The following SLC8A1 variants were observed in gnomAD, a reference collection of about 807,000 sequenced individuals.
SLC8A1 encodes the protein solute carrier family 8 member A1, also known as sodium/calcium exchanger 1.
A neutral mutation model predicts 68.3 loss-of-function variants in SLC8A1; 18 were observed. The observed-to-expected ratio is 0.26, with a 90% CI of 0.18 to 0.39. SLC8A1 has a LOEUF of 0.39. Among genes scored for constraint, SLC8A1 ranks in the 10% least tolerant of loss-of-function variants. SLC8A1 has a pLI of 1.00. For missense variants in SLC8A1, 985 were observed against 1,156.7 expected (o/e 0.85, Z 2.15); for synonymous variants, 475 against 415.5 (o/e 1.14, Z -1.74).
At chr2:40,318,679 T>G (rs1308796298) in intron 2 of SLC8A1, among the ~76,000 whole-genome samples, 1 of 151,966 alleles carries the variant, frequency 6.6e-6, no homozygotes, top group Non-Finnish European at 1.5e-5. Context: ...TTTTACAAAA[T>G]TCAGTCCCAA....
chr2:40,376,937 C>T (rs1027003566), intron 2 of SLC8A1, among the ~76,000 whole-genome samples: 2 of 152,110 alleles, frequency 1.3e-5, no homozygotes, highest in Admixed American at 6.5e-5. Context: ...AGATGACCCC[C>T]ATGAACCATG....
At chr2:40,201,791 A>G (rs944809166) in intron 2 of SLC8A1, among the ~76,000 whole-genome samples, 3 of 151,950 alleles carry the variant, frequency 2.0e-5, no homozygotes, top group Non-Finnish European at 1.5e-5. Flanking sequence ...ACTTACCATC[A>G]AGGCCACAGA....
At chr2:40,329,085 C>G (rs1025365066) in intron 2 of SLC8A1, among the ~76,000 whole-genome samples, 1 of 151,444 alleles carries the variant, frequency 6.6e-6, no homozygotes, top group Non-Finnish European at 1.5e-5. Context: ...CACACACACA[C>G]ACACACACAC....
chr2:40,442,502 A>G (rs1700700880), intron 1 of SLC8A1, among the ~76,000 whole-genome samples: 2 of 152,198 alleles, frequency 1.3e-5, no homozygotes, highest in South Asian at 4.1e-4. Flanking sequence ...CATATCAAGA[A>G]AAGCTCATCA....
chr2:40,133,111 A>G (rs1194220833), intron 7 of SLC8A1, among the ~76,000 whole-genome samples: 3 of 152,180 alleles, frequency 2.0e-5, no homozygotes, highest in South Asian at 4.1e-4. Context: ...CTGATTTTAC[A>G]GGCCCAGAGA....
exon 8 of SLC8A1, chr2:40,115,487 A>C: frequency 6.2e-7 from 1 of 1,614,220 alleles, no homozygotes; most frequent in South Asian, 1.1e-5. Context: ...ACTGTTCCCC[A>C]TTGGCTGCGT....
chr2:40,232,371 G>C (rs1301932775), intron 2 of SLC8A1, among the ~76,000 whole-genome samples: 1 of 150,488 alleles, frequency 6.6e-6, no homozygotes, highest in Non-Finnish European at 1.5e-5. Flanking sequence ...AGAGAGATGG[G>C]GCATGTGAAT....
chr2:40,288,435 A>AGT, intron 2 of SLC8A1, among the ~76,000 whole-genome samples: 1 of 152,264 alleles, frequency 6.6e-6, no homozygotes, highest in South Asian at 2.1e-4. Context: ...CAACCTCATC[A>AGT]GTGTGAGATA....
rs559325614 is a variant in SLC8A1, at chr2:40,365,190, T to G, written c.1808+63283A>C. Among the ~76,000 whole-genome samples, 19 of 152,048 alleles carry G rather than the reference T, an allele frequency of 1.2e-4. No homozygotes were observed. In the South Asian group the frequency reaches 3.9e-3, roughly 32 times the overall value. On this transcript the variant is annotated intron_variant, in intron 2 of 7. Transcript: ENST00000406785. The stretch of plus-strand genomic sequence containing the variant: ...ACCACAGGGTAGGCAGGAAAGATAT[T>G]ATACCCACATTTTACATATGACTAA...
intron 7 of SLC8A1, among the ~76,000 whole-genome samples, chr2:40,122,191 A>T (rs2036985613): frequency 6.8e-6 from 1 of 147,176 alleles, no homozygotes; most frequent in South Asian, 2.2e-4. Flanking sequence ...CTCTCTCACA[A>T]GTGCATGCGC....
chr2:40,408,994 A>C (rs1370704493), intron 2 of SLC8A1, among the ~76,000 whole-genome samples: 1 of 152,202 alleles, frequency 6.6e-6, no homozygotes, highest in Non-Finnish European at 1.5e-5. Flanking sequence ...AAAAGTTGTA[A>C]CTATACAGCG....
At chr2:40,114,890 AC>A (rs1419983479) in exon 8 of SLC8A1, 1 of 154,240 alleles carries the variant, frequency 6.5e-6, no homozygotes, top group Non-Finnish European at 1.4e-5. Flanking sequence ...TCCCAAAAAA[AC>A]AAAACAAAAC....
At chr2:40,510,043 G>T (rs986359050) in intron 1 of SLC8A1, among the ~76,000 whole-genome samples, 1 of 152,090 alleles carries the variant, frequency 6.6e-6, no homozygotes, top group Non-Finnish European at 1.5e-5. Context: ...GGCCAGGAGG[G>T]TCTCGATCTC....
chr2:40,309,045 G>T (rs1033082901), intron 2 of SLC8A1, among the ~76,000 whole-genome samples: 2 of 151,958 alleles, frequency 1.3e-5, no homozygotes, highest in Non-Finnish European at 2.9e-5. Context: ...GAAATAACTA[G>T]TTGAACCAAT....
At position 40,177,453 on chromosome 2, in the gene SLC8A1, C is replaced by G. The variant is rs143148565; in HGVS notation, c.1912+299G>C. 2.0e-5 allele frequency among the ~76,000 whole-genome samples: 3 copies of G among 152,052 alleles called. No homozygotes were observed. The East Asian group carries it at 5.8e-4, about 29-fold the overall frequency. ...ATTGGAGTGACATTTTAGAATAAAC[C>G]GTGAGTAGTGAAAAACTAAACACAT... On this transcript the variant is annotated intron_variant, in intron 3 of 7. Transcript: ENST00000406785.
intron 2 of SLC8A1, among the ~76,000 whole-genome samples, chr2:40,298,130 C>A (rs1469841365): frequency 6.6e-6 from 1 of 152,172 alleles, no homozygotes; most frequent in Non-Finnish European, 1.5e-5. Flanking sequence ...GATTCACCCA[C>A]CTCAGCCTCC....
At chr2:40,160,914 A>G (rs780231225) in intron 5 of SLC8A1, 50 bp from the exon 9 acceptor site, 1 of 1,313,888 alleles carries the variant, frequency 7.6e-7, no homozygotes, top group East Asian at 2.3e-5. Flanking sequence ...CTAAGGCCTC[A>G]GGAAATCCAA....
intron 1 of SLC8A1, among the ~76,000 whole-genome samples, chr2:40,474,370 T>C (rs1008670067): frequency 6.6e-6 from 1 of 152,136 alleles, no homozygotes; most frequent in African/African-American, 2.4e-5. Context: ...GAAAAAGAAG[T>C]TTACTCTTGG....
At chr2:40,118,000 G>A (rs2035864833) in intron 7 of SLC8A1, among the ~76,000 whole-genome samples, 1 of 152,160 alleles carries the variant, frequency 6.6e-6, no homozygotes, top group Non-Finnish European at 1.5e-5. Flanking sequence ...TCTGCCCTCT[G>A]CCTGTGATGA....
Sources: gnomAD v4.1 joint callset for allele counts (sites outside exome capture counted in the v4.1 genomes callset) on GRCh38, gnomAD v4.1.1 for gene constraint, MANE v1.5 for transcripts, NCBI Gene and HGNC (gene_info 2026-07-23, HGNC 2026-07-21) for gene names.